KLRG1: variants seen among roughly 807,000 people sequenced by gnomAD.
KLRG1 encodes killer cell lectin-like receptor subfamily G member 1.
A neutral mutation model predicts 21.8 loss-of-function variants in KLRG1; 16 were observed. The ratio of observed to expected loss-of-function variants is 0.73; its 90% CI spans 0.50 to 1.11. The LOEUF is 1.11. Among genes scored for constraint, KLRG1 ranks in the 50% most tolerant of loss-of-function variants. The pLI is 0.00. For synonymous variants in KLRG1, 69 were observed against 75.9 expected, an observed-to-expected ratio of 0.91 and a Z score of 0.47; for missense variants, 173 against 218.3, an observed-to-expected ratio of 0.79 and a Z score of 1.31.
upstream of KLRG1, among the ~76,000 whole-genome samples, chr12:8,988,617 C>T (rs1456167683): frequency 2.0e-5 from 3 of 151,966 alleles, no homozygotes; most frequent in Non-Finnish European, 4.4e-5. Context: ...ACTCTTGTTG[C>T]CCAGGCTAGA....
chr12:9,109,853 T>C, the KLRG1 span: 1 of 1,578,348 alleles, frequency 6.3e-7, no homozygotes, highest in East Asian at 2.2e-5. Context: ...TTGATGACTT[T>C]TCATGATCCA....
At chr12:9,200,258 A>G in the KLRG1 span, 1 of 650,662 alleles carries the variant, frequency 1.5e-6, no homozygotes, top group Non-Finnish European at 2.5e-6. Flanking sequence ...CAAAGGAGTA[A>G]TATTACAAAA....
At chr12:9,049,647 T>G in the KLRG1 span, among the ~76,000 whole-genome samples, 1 of 152,188 alleles carries the variant, frequency 6.6e-6, no homozygotes, top group East Asian at 1.9e-4. Context: ...TCCCATTGCC[T>G]AAGTTTATTT....
the KLRG1 span, chr12:9,169,022 T>C: frequency 7.5e-7 from 1 of 1,341,458 alleles, no homozygotes; most frequent in Middle Eastern, 1.8e-4. Flanking sequence ...GATTAGAATA[T>C]ATAAAACATA....
At chr12:9,099,410 A>G in the KLRG1 span, 2 of 1,568,120 alleles carry the variant, frequency 1.3e-6, no homozygotes, top group Non-Finnish European at 1.7e-6. Context: ...TCAACATCAT[A>G]TTTTGCAGAA....
At chr12:8,962,009 C>T (rs962787842) in intron 1 of KLRG1, among the ~76,000 whole-genome samples, 2 of 152,052 alleles carry the variant, frequency 1.3e-5, no homozygotes, top group African/African-American at 4.8e-5. Context: ...TTGTTTAAGG[C>T]CAGGAGGTGG....
the KLRG1 span, chr12:9,104,465 T>C: frequency 4.7e-6 from 7 of 1,497,526 alleles, no homozygotes; most frequent in Admixed American, 2.2e-5. Flanking sequence ...ACATATTCAT[T>C]TATCACATTT....
At chr12:9,032,756 A>T in the KLRG1 span, among the ~76,000 whole-genome samples, 4 of 152,120 alleles carry the variant, frequency 2.6e-5, no homozygotes. Context: ...CAGACTGTTA[A>T]CGTTTCTCAT....
At chr12:9,080,689 T>C in the KLRG1 span, among the ~76,000 whole-genome samples, 1 of 152,116 alleles carries the variant, frequency 6.6e-6, no homozygotes, top group Non-Finnish European at 1.5e-5. Context: ...CCTAGAAAAT[T>C]GAGGGTAAGG....
the KLRG1 span, chr12:9,168,489 G>A: frequency 1.2e-4 from 21 of 173,720 alleles, no homozygotes; most frequent in East Asian, 4.9e-4. Context: ...TGATGTTCAC[G>A]TTGTTTCTTG....
chr12:9,038,708 C>A, the KLRG1 span, among the ~76,000 whole-genome samples: 7 of 151,996 alleles, frequency 4.6e-5, no homozygotes, highest in Non-Finnish European at 8.8e-5. Context: ...ATCACTCCCC[C>A]ACTGCTGGTT....
At chr12:8,958,848 C>T (rs1283667917) in intron 1 of KLRG1, among the ~76,000 whole-genome samples, 1 of 129,522 alleles carries the variant, frequency 7.7e-6, no homozygotes, top group Non-Finnish European at 1.7e-5. Context: ...CAGAGTGATA[C>T]CCTGTATCAA....
At chr12:9,196,666 A>T in the KLRG1 span, 29 of 1,611,652 alleles carry the variant, frequency 1.8e-5, no homozygotes, top group Middle Eastern at 1.6e-4. Context: ...TTGTTGGGTG[A>T]TGCAGCCATT....
chr12:9,028,790 T>C, the KLRG1 span: 1 of 609,562 alleles, frequency 1.6e-6, no homozygotes. Flanking sequence ...CACAGTTAAG[T>C]GGGCACCTGG....
the KLRG1 span, chr12:9,074,560 C>T: frequency 6.2e-7 from 1 of 1,607,258 alleles, no homozygotes; most frequent in African/African-American, 1.3e-5. Context: ...AATCACCAAC[C>T]TGGGTGGAGG....
At chr12:8,992,103 C>G (rs1946988274) in intron 1 of KLRG1, 103 bp from the exon 2 acceptor site, 21 of 887,094 alleles carry the variant, frequency 2.4e-5, no homozygotes, top group Non-Finnish European at 3.7e-5. Flanking sequence ...TCTCAGTTCC[C>G]ACTAGGCCAA....
the KLRG1 span, chr12:9,168,739 C>A: frequency 1.4e-6 from 1 of 718,400 alleles, no homozygotes. Context: ...CAGCAAGAAA[C>A]AATTAATTTG....
At position 8,995,828 on chromosome 12, in the gene KLRG1, G is replaced by A. The variant is rs137860809; in HGVS notation, c.357+540G>A. ...CTCCCAAGTAGCTGGAACTACAGGC[G>A]TGTGCCACCATGCCTGGCTAATTTT... is the stretch of plus-strand genomic sequence containing the variant. On this transcript the variant is annotated intron_variant, in intron 3 of 4. Coordinates refer to ENST00000356986, the MANE Select transcript of KLRG1 (RefSeq NM_005810.4). Among the ~76,000 whole-genome samples the A allele has an allele frequency of 3.0e-3, 453 of 151,940 alleles. 1 individual carries two copies. The highest frequency in any genetic ancestry group is 0.015 in the South Asian group (71 of 4,802).
chr12:8,980,243 T>A (rs779547399), intron 1 of KLRG1, among the ~76,000 whole-genome samples: 1 of 152,262 alleles, frequency 6.6e-6, no homozygotes, highest in Admixed American at 6.5e-5. Flanking sequence ...TTTTTGTTTT[T>A]TAATGATTTC....
Sources: allele counts gnomAD v4.1 joint callset (sites outside exome capture counted in the v4.1 genomes callset), GRCh38; gene constraint gnomAD v4.1.1; transcripts MANE v1.5; gene names NCBI Gene and HGNC (gene_info 2026-07-23, HGNC 2026-07-21).